Variants in PROCR observed in about 807,000 individuals in gnomAD.
The protein encoded by PROCR is endothelial protein C receptor.
A neutral mutation model predicts 24.2 loss-of-function variants in PROCR; 22 were observed. The ratio of observed to expected loss-of-function variants is 0.91; its 90% CI spans 0.65 to 1.30. The LOEUF (loss-of-function observed/expected upper bound fraction) is 1.30, where lower values mean the gene tolerates loss of function less well. Among genes scored for constraint, PROCR ranks in the 50% most tolerant of loss-of-function variants. The pLI is 0.00. For missense variants in PROCR, 288 were observed against 307.7 expected, an observed-to-expected ratio of 0.94 and a Z score of 0.48; for synonymous variants, 137 against 139.2, an observed-to-expected ratio of 0.98 and a Z score of 0.11.
chr20:35,213,499 TCTG>T (rs2060369795), intron 1 of PROCR, among the ~76,000 whole-genome samples: 1 of 152,198 alleles, frequency 6.6e-6, no homozygotes, highest in Non-Finnish European at 1.5e-5. Flanking sequence ...TTGCTTTATT[TCTG>T]CTTTTTTTTT....
At position 35,176,379 on chromosome 20, in the gene PROCR, G is replaced by A. The variant is rs2086017900; in HGVS notation, c.534G>A (p.Leu178=). 3 of 1,614,120 alleles carry A rather than the reference G, an allele frequency of 1.9e-6. No individual in the cohort carries two copies. The highest frequency in any genetic ancestry group is 2.5e-6 in the Non-Finnish European group (3 of 1,180,056). The part of the protein sequence containing the change: ...LNAYNRTRYE[L]REFLEDTCVQ... ...CCTACAACCGCACTCGGTATGAACT[G>A]CGGGAATTCCTGGAGGACACCTGTG... is the stretch of plus-strand genomic sequence containing the variant. Residue 178 remains leucine, a synonymous_variant, in exon 3 of 4, where the codon CTG becomes CTA. Coordinates refer to ENST00000216968, the MANE Select transcript of PROCR (RefSeq NM_006404.5).
chr20:35,187,744 A>C (rs2086140399), intron 1 of PROCR, among the ~76,000 whole-genome samples: 2 of 152,228 alleles, frequency 1.3e-5, no homozygotes, highest in African/African-American at 4.8e-5. Context: ...ACATGTTCAT[A>C]GCTACATGAC....
At chr20:35,204,124 G>C (rs552046907) in intron 1 of PROCR, among the ~76,000 whole-genome samples, 1 of 152,166 alleles carries the variant, frequency 6.6e-6, no homozygotes, top group Non-Finnish European at 1.5e-5. Context: ...ATATTAAAAG[G>C]ATAATAAGAG....
downstream of PROCR, among the ~76,000 whole-genome samples, chr20:35,178,507 G>GTTTTGTTTTTTTTTTTTTTT (rs1272557859): frequency 3.8e-3 from 129 of 34,378 alleles, 48 homozygotes; most frequent in African/African-American, 0.016. Flanking sequence ...TCAAGTCTCA[G>GTTTTGTTTTTTTTTTTTTTT]TTTTTTTTTT....
intron 1 of PROCR, among the ~76,000 whole-genome samples, chr20:35,210,478 T>C (rs1436737493): frequency 6.6e-6 from 1 of 151,824 alleles, no homozygotes; most frequent in Non-Finnish European, 1.5e-5. Flanking sequence ...ACTCAGGAGA[T>C]TGAGGCTGCA....
chr20:35,189,715 C>T (rs1263097255), intron 1 of PROCR, among the ~76,000 whole-genome samples: 3 of 152,184 alleles, frequency 2.0e-5, no homozygotes, highest in Non-Finnish European at 2.9e-5. Flanking sequence ...CTCTTTTGTA[C>T]TCTTTCCCTT....
chr20:35,213,390 CA>C (rs1332878452), intron 1 of PROCR, among the ~76,000 whole-genome samples: 5 of 151,790 alleles, frequency 3.3e-5, no homozygotes, highest in African/African-American at 1.2e-4. Flanking sequence ...AGTCCTTCGC[CA>C]TTATTGAATT....
intron 1 of PROCR, among the ~76,000 whole-genome samples, chr20:35,184,536 T>C (rs1228680071): frequency 6.6e-6 from 1 of 151,638 alleles, no homozygotes; most frequent in Non-Finnish European, 1.5e-5. Flanking sequence ...CCATCTCTAC[T>C]AAAAATACAA....
intron 1 of PROCR, among the ~76,000 whole-genome samples, chr20:35,187,558 G>T (rs989065694): frequency 3.3e-5 from 5 of 152,182 alleles, no homozygotes; most frequent in African/African-American, 9.7e-5. Flanking sequence ...TACTTGGAGG[G>T]ATTCTCTGAA....
chr20:35,210,642 T>C (rs542702575), intron 1 of PROCR, among the ~76,000 whole-genome samples: 1 of 152,198 alleles, frequency 6.6e-6, no homozygotes, highest in Non-Finnish European at 1.5e-5. Context: ...TTCTGAACTT[T>C]TTTTTAATTG....
intron 1 of PROCR, among the ~76,000 whole-genome samples, chr20:35,198,070 G>C (rs931843515): frequency 6.6e-6 from 1 of 151,932 alleles, no homozygotes; most frequent in Non-Finnish European, 1.5e-5. Flanking sequence ...GGATCACGAG[G>C]TCAGGAGATT....
At chr20:35,174,554 T>C (rs2085986133) in intron 1 of PROCR, 148 bp from the exon 2 acceptor site, 1 of 971,800 alleles carries the variant, frequency 1.0e-6, no homozygotes, top group South Asian at 1.4e-5. Flanking sequence ...ACTGTCAGCG[T>C]CAAACGGGAG....
intron 1 of PROCR, chr20:35,203,190 C>T (rs977936): frequency 0.22 from 32,796 of 151,442 alleles, 3,749 homozygotes; most frequent in Middle Eastern, 0.33. Context: ...GCAGGAGAAC[C>T]GCTTGAACCC....
At chr20:35,182,604 G>A (rs1338655618) in intron 1 of PROCR, among the ~76,000 whole-genome samples, 3 of 152,036 alleles carry the variant, frequency 2.0e-5, no homozygotes, top group African/African-American at 7.3e-5. Context: ...GTCTTTTCTT[G>A]GGAAGATAAA....
intron 1 of PROCR, among the ~76,000 whole-genome samples, chr20:35,190,004 T>C (rs904268034): frequency 6.6e-6 from 1 of 152,196 alleles, no homozygotes; most frequent in Non-Finnish European, 1.5e-5. Context: ...TATCCTATTA[T>C]GTCATGAAAA....
intron 1 of PROCR, among the ~76,000 whole-genome samples, chr20:35,198,335 A>G (rs2060306405): frequency 6.6e-6 from 1 of 152,122 alleles, no homozygotes; most frequent in Non-Finnish European, 1.5e-5. Flanking sequence ...CACATGAATG[A>G]TAAAGTGAAA....
intron 1 of PROCR, among the ~76,000 whole-genome samples, chr20:35,192,221 C>A (rs1452555232): frequency 5.3e-5 from 8 of 152,202 alleles, no homozygotes; most frequent in African/African-American, 1.9e-4. Context: ...TAGGCATATG[C>A]CTAACAGAAA....
chr20:35,188,703 T>C (rs771093657), intron 1 of PROCR, among the ~76,000 whole-genome samples: 1 of 152,198 alleles, frequency 6.6e-6, no homozygotes, highest in African/African-American at 2.4e-5. Flanking sequence ...GGAAATGTTA[T>C]GGGAAATCAA....
intron 1 of PROCR, among the ~76,000 whole-genome samples, chr20:35,209,034 G>T (rs1163474192): frequency 6.6e-6 from 1 of 152,162 alleles, no homozygotes; most frequent in Non-Finnish European, 1.5e-5. Flanking sequence ...AGCAGGTATT[G>T]TCCTTGTGTT....
Sources: gnomAD v4.1 joint callset for allele counts (sites outside exome capture counted in the v4.1 genomes callset) on GRCh38, gnomAD v4.1.1 for gene constraint, MANE v1.5 for transcripts, NCBI Gene and HGNC (gene_info 2026-07-23, HGNC 2026-07-21) for gene names.